The following TRIM9 variants were observed in gnomAD, a reference collection of about 807,000 sequenced individuals.
TRIM9 encodes the protein tripartite motif containing 9.
In TRIM9, 26 loss-of-function variants were observed where a neutral mutation model predicts 78.3. The ratio of observed to expected loss-of-function variants is 0.33; its 90% CI spans 0.24 to 0.46. The LOEUF is 0.46. TRIM9 is among the 20% of genes least tolerant of loss of function. The pLI is 1.00. For missense variants in TRIM9, 787 were observed against 1,036.4 expected (o/e 0.76, Z 3.30); for synonymous variants, 398 against 416.5 (o/e 0.96, Z 0.54).
intron 7 of TRIM9, chr14:50,997,428 T>C: frequency 5.1e-6 from 5 of 985,480 alleles, no homozygotes; most frequent in Non-Finnish European, 6.0e-6. Context: ...GCGAAGTTGC[T>C]GGTCTCTTCC....
At chr14:50,997,655 T>G in intron 7 of TRIM9, 1 of 1,077,306 alleles carries the variant, frequency 9.3e-7, no homozygotes, top group African/African-American at 1.6e-5. Context: ...TACTACAGAG[T>G]AATTTAGAAT....
At chr14:50,983,307 G>A (rs187646296) in intron 9 of TRIM9, 73 bp downstream of exon 9, 4 of 1,254,744 alleles carry the variant, frequency 3.2e-6, no homozygotes, top group African/African-American at 1.5e-5. Context: ...ACAAGTTGCC[G>A]CCATTTATTT....
At chr14:50,981,720 T>TA in intron 11 of TRIM9, 80 bp downstream of exon 11, 2 of 1,563,478 alleles carry the variant, frequency 1.3e-6, no homozygotes, top group Non-Finnish European at 1.7e-6. Flanking sequence ...GTGGTCTATG[T>TA]AATAGGTTTT....
chr14:50,993,988 C>G lies in TRIM9; in HGVS notation c.1603+4062G>C, dbSNP rs60582414. On this transcript the variant is annotated intron_variant, in intron 7 of 12. Transcript: ENST00000684578. The stretch of plus-strand genomic sequence containing the variant: ...ATGTCCACATCTGAATCCCCAGAAC[C>G]TGTGAATATGTTATTATCCATGGCA... Among the ~76,000 whole-genome samples the G allele has an allele frequency of 2.2e-3, 331 of 152,260 alleles. 2 individuals carry two copies. Among genetic ancestry groups the G allele is most frequent in the African/African-American group, 7.4e-3 (308 of 41,546 alleles).
chr14:51,092,141 A>T (rs534625321), intron 1 of TRIM9, among the ~76,000 whole-genome samples: 150 of 152,346 alleles, frequency 9.8e-4, no homozygotes, highest in African/African-American at 3.5e-3. Context: ...TGAAATCAAA[A>T]TATGAATAAA....
At chr14:51,025,434 T>C in intron 1 of TRIM9, 74 bp from the exon 2 acceptor site, 2 of 280,192 alleles carry the variant, frequency 7.1e-6, no homozygotes, top group Non-Finnish European at 1.2e-5. Flanking sequence ...GACTCAAAAC[T>C]GAAGAGTCAT....
chr14:50,993,392 G>C (rs2053780287), intron 7 of TRIM9, among the ~76,000 whole-genome samples: 1 of 150,896 alleles, frequency 6.6e-6, no homozygotes, highest in Admixed American at 6.6e-5. Flanking sequence ...TTTTGAGATG[G>C]AGTTTCACTT....
At chr14:50,997,344 T>C in intron 7 of TRIM9, 1 of 985,370 alleles carries the variant, frequency 1.0e-6, no homozygotes. Flanking sequence ...TCTCTAGAGA[T>C]GAACCTTGTA....
intron 1 of TRIM9, among the ~76,000 whole-genome samples, chr14:51,048,502 GTCATTGGTTAATT>G: frequency 1.3e-5 from 2 of 152,204 alleles, no homozygotes; most frequent in Non-Finnish European, 2.9e-5. Flanking sequence ...CCTAGTGAAA[GTCATTGGTTAATT>G]ACTAGTGACA....
At chr14:51,012,572 C>T (rs1185874183) in intron 3 of TRIM9, among the ~76,000 whole-genome samples, 1 of 152,078 alleles carries the variant, frequency 6.6e-6, no homozygotes, top group Non-Finnish European at 1.5e-5. Context: ...GGGTATTATA[C>T]CCAGAAGTGG....
chr14:51,045,658 A>G (rs2059897055), intron 1 of TRIM9, among the ~76,000 whole-genome samples: 1 of 152,204 alleles, frequency 6.6e-6, no homozygotes, highest in African/African-American at 2.4e-5. Context: ...TATCTTTAAT[A>G]CCTTCATTAA....
intron 1 of TRIM9, among the ~76,000 whole-genome samples, chr14:51,030,059 T>G (rs1482410155): frequency 6.6e-6 from 1 of 152,246 alleles, no homozygotes; most frequent in African/African-American, 2.4e-5. Flanking sequence ...TTCAACTTTT[T>G]TCCTGCATGA....
At chr14:51,000,573 A>G in intron 6 of TRIM9, 110 bp downstream of exon 6, 1 of 1,450,090 alleles carries the variant, frequency 6.9e-7, no homozygotes. Context: ...CCCTGCCAGG[A>G]TGGCCTGTCC....
At chr14:51,072,812 T>C (rs932970515) in intron 1 of TRIM9, among the ~76,000 whole-genome samples, 5 of 152,174 alleles carry the variant, frequency 3.3e-5, no homozygotes, top group Non-Finnish European at 7.4e-5. Flanking sequence ...AGCTCTGAAA[T>C]ATGCACAATA....
At chr14:51,074,830 G>A (rs1473452344) in intron 1 of TRIM9, among the ~76,000 whole-genome samples, 1 of 152,228 alleles carries the variant, frequency 6.6e-6, no homozygotes, top group Non-Finnish European at 1.5e-5. Flanking sequence ...CAACAGGGCT[G>A]TGGAGCCCCC....
chr14:51,064,556 A>C (rs1386903757), intron 1 of TRIM9, among the ~76,000 whole-genome samples: 1 of 152,034 alleles, frequency 6.6e-6, no homozygotes, highest in African/African-American at 2.4e-5. Flanking sequence ...AAATCAATGA[A>C]ATTGAGAATA....
At chr14:51,001,027 AT>A (rs2139521072) in intron 5 of TRIM9, among the ~76,000 whole-genome samples, 187 bp from the exon 6 acceptor site, 1 of 152,086 alleles carries the variant, frequency 6.6e-6, no homozygotes, top group South Asian at 2.1e-4. Context: ...CTGTGAGGCC[AT>A]TTTCTAAGCG....
chr14:51,049,071 G>C (rs1234831781), intron 1 of TRIM9, among the ~76,000 whole-genome samples: 1 of 151,768 alleles, frequency 6.6e-6, no homozygotes, highest in African/African-American at 2.4e-5. Context: ...TGGTTTTCTT[G>C]TTCTTTTTCA....
intron 1 of TRIM9, among the ~76,000 whole-genome samples, chr14:51,046,546 C>T (rs1467802166): frequency 2.0e-5 from 3 of 152,162 alleles, no homozygotes; most frequent in African/African-American, 4.8e-5. Flanking sequence ...GAAAGAAACA[C>T]CACTTCAAAT....
Sources: gnomAD v4.1 joint callset for allele counts (sites outside exome capture counted in the v4.1 genomes callset) on GRCh38, gnomAD v4.1.1 for gene constraint, MANE v1.5 for transcripts, NCBI Gene and HGNC (gene_info 2026-07-23, HGNC 2026-07-21) for gene names.